The following CEP112 variants were observed in gnomAD, a reference collection of about 807,000 sequenced individuals.
The protein encoded by CEP112 is centrosomal protein 112.
Under a neutral mutation model 153.0 loss-of-function variants are expected in CEP112, and 127 were observed. The observed-to-expected ratio is 0.83, with a 90% confidence interval of 0.72 to 0.96. The LOEUF (loss-of-function observed/expected upper bound fraction) is 0.96. Among genes scored for constraint, CEP112 ranks in the 40% least tolerant of loss-of-function variants. The pLI, the probability that CEP112 is intolerant of heterozygous loss-of-function variation, is 0.00. For synonymous variants in CEP112, 358 were observed against 374.4 expected (o/e 0.96, Z 0.51); for missense variants, 1,089 against 1,101.2 (o/e 0.99, Z 0.16).
intron 6 of CEP112, among the ~76,000 whole-genome samples, chr17:66,118,087 T>A (rs1272254454): frequency 6.6e-6 from 1 of 152,192 alleles, no homozygotes; most frequent in African/African-American, 2.4e-5. Flanking sequence ...ACAGCCACTA[T>A]GGAGAACAGT....
intron 18 of CEP112, among the ~76,000 whole-genome samples, chr17:65,937,617 G>T (rs1233175178): frequency 2.0e-5 from 2 of 97,630 alleles, no homozygotes; most frequent in Admixed American, 1.3e-4. Flanking sequence ...GGAGGGAGGT[G>T]GGGGGGTCAG....
intron 20 of CEP112, among the ~76,000 whole-genome samples, chr17:65,853,820 T>C (rs2081390958): frequency 1.3e-5 from 2 of 152,194 alleles, no homozygotes; most frequent in South Asian, 2.1e-4. Context: ...TCAGTGGTTA[T>C]TGTTTTGTCA....
chr17:65,755,935 T>C (rs2052230896), intron 21 of CEP112, among the ~76,000 whole-genome samples: 1 of 152,166 alleles, frequency 6.6e-6, no homozygotes, highest in Non-Finnish European at 1.5e-5. Flanking sequence ...CATCAGTTTA[T>C]ATAGGGTGTG....
intron 17 of CEP112, among the ~76,000 whole-genome samples, chr17:65,971,214 T>G (rs114435173): frequency 0.038 from 5,851 of 152,288 alleles, 168 homozygotes; most frequent in South Asian, 0.11. Flanking sequence ...CGTATGTATA[T>G]CACATGTATA....
intron 25 of CEP112, among the ~76,000 whole-genome samples, chr17:65,637,637 T>G (rs1411095545): frequency 6.6e-6 from 1 of 152,236 alleles, no homozygotes; most frequent in African/African-American, 2.4e-5. Context: ...GCTCCTTGCC[T>G]CCTAGCCCCA....
At chr17:65,890,081 T>C (rs1350901795) in intron 20 of CEP112, among the ~76,000 whole-genome samples, 1 of 152,236 alleles carries the variant, frequency 6.6e-6, no homozygotes, top group Non-Finnish European at 1.5e-5. Context: ...AAAGTAAGTA[T>C]TTTTAAAGAC....
intron 24 of CEP112, among the ~76,000 whole-genome samples, chr17:65,686,634 G>C (rs1042170550): frequency 1.3e-5 from 2 of 152,156 alleles, no homozygotes; most frequent in African/African-American, 4.8e-5. Flanking sequence ...GTGACAATTA[G>C]ACCTGCTGAT....
chr17:65,743,282 T>C, intron 22 of CEP112, 65 bp from the exon 23 acceptor site: 1 of 1,267,956 alleles, frequency 7.9e-7, no homozygotes. Context: ...TTTATATGTA[T>C]TGATGCTTAA....
chr17:65,934,165 G>A lies in CEP112; in HGVS notation c.1873-6476C>T, dbSNP rs2061226537. On this transcript the variant is annotated intron_variant, in intron 18 of 26. Coordinates refer to ENST00000535342, the MANE Select transcript of CEP112 (RefSeq NM_001199165.4). ...GATTACACCACTGCACTACAGCCTG[G>A]GTGACAGACCAAGACTCTGTCTCAA... 1.3e-5 allele frequency among the ~76,000 whole-genome samples: 2 copies of A among 152,016 alleles called. 1 individual carries two copies. Among genetic ancestry groups the A allele is most frequent in the South Asian group, 4.1e-4 (2 of 4,826 alleles).
chr17:65,714,963 T>G (rs550118527), intron 23 of CEP112, among the ~76,000 whole-genome samples: 2 of 152,108 alleles, frequency 1.3e-5, no homozygotes, highest in South Asian at 4.2e-4. Flanking sequence ...ATGATTGACT[T>G]ATTTGCAACG....
intron 17 of CEP112, among the ~76,000 whole-genome samples, chr17:65,994,633 T>C (rs1568352670): frequency 6.6e-6 from 1 of 152,174 alleles, no homozygotes; most frequent in Admixed American, 6.6e-5. Flanking sequence ...ACAGCCCTCA[T>C]TTAACTTCTA....
chr17:65,673,659 A>C (rs2047089710), intron 24 of CEP112, among the ~76,000 whole-genome samples: 1 of 152,204 alleles, frequency 6.6e-6, no homozygotes, highest in Middle Eastern at 3.2e-3. Flanking sequence ...GAAACTCTCA[A>C]AAGTATAAGA....
chr17:66,120,676 A>T (rs1470874576), intron 6 of CEP112, among the ~76,000 whole-genome samples: 3 of 152,060 alleles, frequency 2.0e-5, no homozygotes, highest in Non-Finnish European at 4.4e-5. Flanking sequence ...CTCTTATTAT[A>T]CTTTGAGTAT....
At chr17:66,093,565 T>A in intron 8 of CEP112, among the ~76,000 whole-genome samples, 2 of 147,852 alleles carry the variant, frequency 1.4e-5, no homozygotes, top group South Asian at 2.1e-4. Context: ...AAGAAAACAA[T>A]CCCTCTCTTA....
chr17:66,145,260 G>T (rs1433729885), intron 4 of CEP112, among the ~76,000 whole-genome samples: 1 of 152,070 alleles, frequency 6.6e-6, no homozygotes, highest in Non-Finnish European at 1.5e-5. Context: ...TAAGTTGTAA[G>T]AATCCTTTAT....
intron 16 of CEP112, among the ~76,000 whole-genome samples, chr17:66,018,948 T>C (rs2064884494): frequency 6.6e-6 from 1 of 152,248 alleles, no homozygotes; most frequent in African/African-American, 2.4e-5. Flanking sequence ...GGTGTTTCCT[T>C]GCTAGTCAAA....
chr17:66,149,888 G>GTTTTT lies in CEP112; in HGVS notation c.471-17130_471-17126dup. On this transcript the variant is annotated intron_variant, in intron 4 of 26. Transcript: ENST00000535342. ...TTAGGGTTTTTTTTTTTGTTTGTTT[G>GTTTTT]TTTTTTTTTTTTTTTTTTTTTGAGA... Among the ~76,000 whole-genome samples, 94 of 54,728 alleles carry GTTTTT rather than the reference G, an allele frequency of 1.7e-3. 5 individuals are homozygous for GTTTTT. The highest frequency in any genetic ancestry group is 3.9e-3 in the Admixed American group (11 of 2,826). 35.9% of individuals were successfully genotyped at this position (54,728 alleles called of 152,430 possible). A position where few individuals can be genotyped will look rare whatever the true frequency, so the allele number is the denominator to read the frequency against.
intron 18 of CEP112, among the ~76,000 whole-genome samples, chr17:65,940,254 T>C (rs1177033445): frequency 6.6e-6 from 1 of 152,158 alleles, no homozygotes; most frequent in Admixed American, 6.5e-5. Context: ...GCTGAGGATG[T>C]GGAGAAAAGG....
intron 6 of CEP112, among the ~76,000 whole-genome samples, chr17:66,101,400 A>G (rs1052471244): frequency 3.9e-5 from 6 of 152,102 alleles, no homozygotes; most frequent in African/African-American, 1.4e-4. Flanking sequence ...AGTAGACTCT[A>G]TTAGAGCATG....
Sources: allele counts gnomAD v4.1 joint callset (sites outside exome capture counted in the v4.1 genomes callset), GRCh38; gene constraint gnomAD v4.1.1; transcripts MANE v1.5; gene names NCBI Gene and HGNC (gene_info 2026-07-23, HGNC 2026-07-21).